COLQ: variants seen among roughly 807,000 people sequenced by gnomAD.
COLQ encodes the protein acetylcholinesterase collagenic tail peptide.
In COLQ, 48 loss-of-function variants were observed where a neutral mutation model predicts 69.0. That is an observed-to-expected ratio of 0.70 (90% CI 0.55 to 0.88). The LOEUF is 0.88. COLQ is among the 40% of genes least tolerant of loss of function. The pLI is 0.00. For missense variants in COLQ, 618 were observed against 594.6 expected, an observed-to-expected ratio of 1.04 and a Z score of -0.41; for synonymous variants, 217 against 211.2, an observed-to-expected ratio of 1.03 and a Z score of -0.24.
At chr3:15,464,923 C>T (rs1403685345) in intron 12 of COLQ, among the ~76,000 whole-genome samples, 1 of 152,184 alleles carries the variant, frequency 6.6e-6, no homozygotes, top group Non-Finnish European at 1.5e-5. Context: ...CGCCTGTATT[C>T]CCAGCACTTT....
chr3:15,461,199 A>G (rs1003009519), intron 12 of COLQ, among the ~76,000 whole-genome samples: 3 of 127,958 alleles, frequency 2.3e-5, no homozygotes, highest in Non-Finnish European at 5.0e-5. Flanking sequence ...TCCCCCCCCG[A>G]CCTCTTAGCC....
intron 10 of COLQ, 115 bp from the exon 11 acceptor site, chr3:15,470,731 T>C (rs2062269391): frequency 5.1e-6 from 5 of 981,996 alleles, no homozygotes; most frequent in Middle Eastern, 2.1e-4. Flanking sequence ...ATTCCGAATC[T>C]ATGCCAACTG....
chr3:15,499,743 C>G (rs117891565), intron 1 of COLQ, among the ~76,000 whole-genome samples: 308 of 152,328 alleles, frequency 2.0e-3, no homozygotes, highest in East Asian at 0.011. Flanking sequence ...TGGAATGTGT[C>G]GTTCAGTGTC....
In COLQ at chr3:15,473,939, T is replaced by A. The variant is rs1183192093; in HGVS notation, c.636+61A>T. 6.4e-7 allele frequency: 1 copy of A among 1,568,052 alleles called. No homozygotes were observed. The highest frequency in any genetic ancestry group is 8.8e-7 in the Non-Finnish European group (1 of 1,139,278). ...GACAAGGAGGCAGAGTTCTTTTTGTTGTGCTTGGAGGACCTGATATTTTTA... is the reference window on the plus strand; with the variant it reads ...GACAAGGAGGCAGAGTTCTTTTTGTAGTGCTTGGAGGACCTGATATTTTTA... On this transcript the variant is annotated intron_variant, in intron 10 of 16. Transcript: ENST00000383788. This position sits in a 1 kb window ranked among gnomAD's most constrained non-coding sequence, Gnocchi z 4.0.
At chr3:15,488,389 C>A in intron 2 of COLQ, 82 bp from the exon 3 acceptor site, 1 of 1,163,104 alleles carries the variant, frequency 8.6e-7, no homozygotes, top group East Asian at 2.5e-5. Context: ...AGACCTGCTC[C>A]GGGATCAGGT....
intron 15 of COLQ, among the ~76,000 whole-genome samples, chr3:15,455,157 C>T (rs1165454327): frequency 6.6e-6 from 1 of 152,184 alleles, no homozygotes; most frequent in East Asian, 1.9e-4. Context: ...GGGACTTGAG[C>T]AGCCAGCACA....
chr3:15,460,504 G>A (rs79749670), intron 12 of COLQ, among the ~76,000 whole-genome samples: 4,559 of 152,254 alleles, frequency 0.03, 93 homozygotes, highest in Non-Finnish European at 0.045. Context: ...GGCAGCCAGG[G>A]GCTGGGAACA....
chr3:15,481,740 A>G (rs1365676803), intron 3 of COLQ, among the ~76,000 whole-genome samples: 4 of 152,160 alleles, frequency 2.6e-5, no homozygotes, highest in Admixed American at 2.0e-4. Flanking sequence ...GTTTTTTCCA[A>G]TTCTGTGAAG....
intron 11 of COLQ, among the ~76,000 whole-genome samples, chr3:15,468,737 T>C (rs1466745260): frequency 6.6e-6 from 1 of 152,100 alleles, no homozygotes; most frequent in East Asian, 1.9e-4. Flanking sequence ...GTGGGGAAAG[T>C]TGGTCTCAAC....
At chr3:15,464,425 C>A (rs1013308839) in intron 12 of COLQ, among the ~76,000 whole-genome samples, 3 of 152,198 alleles carry the variant, frequency 2.0e-5, no homozygotes, top group Admixed American at 1.3e-4. Context: ...GTTGGAGGGA[C>A]CTTCCCTGAC....
At chr3:15,511,290 C>A (rs2062981163) in intron 1 of COLQ, among the ~76,000 whole-genome samples, 1 of 152,226 alleles carries the variant, frequency 6.6e-6, no homozygotes, top group Non-Finnish European at 1.5e-5. Flanking sequence ...AAATGGCCAA[C>A]CCCCTGCCTA....
At chr3:15,453,538 G>T (rs2061979035) in intron 16 of COLQ, among the ~76,000 whole-genome samples, 1 of 152,176 alleles carries the variant, frequency 6.6e-6, no homozygotes, top group Non-Finnish European at 1.5e-5. Context: ...TTTGGGGGCT[G>T]CTCATGCAGG....
At chr3:15,464,692 T>A (rs2062170604) in intron 12 of COLQ, among the ~76,000 whole-genome samples, 1 of 152,224 alleles carries the variant, frequency 6.6e-6, no homozygotes, top group Non-Finnish European at 1.5e-5. Context: ...TGTCTTCATT[T>A]TCTTAAGAAA....
intron 7 of COLQ, 119 bp downstream of exon 7, chr3:15,475,306 A>C: frequency 9.8e-7 from 1 of 1,018,502 alleles, no homozygotes; most frequent in Non-Finnish European, 1.5e-6. Context: ...AGGCTCTCCA[A>C]TATCCGCGAC....
At chr3:15,519,395 T>C (rs1477859433) in intron 1 of COLQ, among the ~76,000 whole-genome samples, 1 of 152,172 alleles carries the variant, frequency 6.6e-6, no homozygotes, top group Non-Finnish European at 1.5e-5. Context: ...AGAGAGAAGA[T>C]GGTGTACTTC....
intron 12 of COLQ, among the ~76,000 whole-genome samples, chr3:15,463,789 CAAG>C (rs1175623331): frequency 1.3e-5 from 2 of 152,138 alleles, no homozygotes; most frequent in Non-Finnish European, 2.9e-5. Context: ...CTTCCAGAAC[CAAG>C]GAGGAAGAGG....
intron 3 of COLQ, among the ~76,000 whole-genome samples, chr3:15,481,700 C>T (rs1344672474): frequency 2.0e-5 from 3 of 152,120 alleles, no homozygotes; most frequent in African/African-American, 7.2e-5. Context: ...AATGTGGTCT[C>T]TTTTTTGGTT....
chr3:15,475,156 T>C (rs2062358273), intron 7 of COLQ: 1 of 675,394 alleles, frequency 1.5e-6, no homozygotes, highest in Non-Finnish European at 2.6e-6. Flanking sequence ...CTTTTATCAC[T>C]CTGCAAAGTC....
chr3:15,487,442 G>A (rs1414948517), intron 3 of COLQ, among the ~76,000 whole-genome samples: 1 of 152,172 alleles, frequency 6.6e-6, no homozygotes, highest in Non-Finnish European at 1.5e-5. Context: ...CCCTCTTGTG[G>A]GGCTTTGTAA....
Sources: allele counts gnomAD v4.1 joint callset (sites outside exome capture counted in the v4.1 genomes callset), GRCh38; gene constraint gnomAD v4.1.1; non-coding constraint Gnocchi (gnomAD v3.1); transcripts MANE v1.5; gene names NCBI Gene and HGNC (gene_info 2026-07-23, HGNC 2026-07-21).